The following MTUS1 variants were observed in gnomAD, a reference collection of about 807,000 sequenced individuals.
The protein encoded by MTUS1 is microtubule-associated tumor suppressor 1.
MTUS1 carries 109 observed loss-of-function variants against 120.8 expected under a neutral mutation model. The observed-to-expected ratio is 0.90, with a 90% CI of 0.77 to 1.06. The LOEUF (loss-of-function observed/expected upper bound fraction) is 1.06. Among genes scored for constraint, MTUS1 ranks in the 50% least tolerant of loss-of-function variants. MTUS1 has a pLI of 0.00. For missense variants in MTUS1, 2,210 were observed against 1,486.3 expected, an observed-to-expected ratio of 1.49 and a Z score of -8.01; for synonymous variants, 737 against 550.5, an observed-to-expected ratio of 1.34 and a Z score of -4.74.
In MTUS1 at chr8:17,712,293, T is replaced by G. The variant is rs552229300; in HGVS notation, c.2623+921A>C. Among the ~76,000 whole-genome samples the G allele has an allele frequency of 4.8e-4, 73 of 152,238 alleles. 1 individual carries two copies. The highest frequency in any genetic ancestry group is 1.6e-3 in the African/African-American group (67 of 41,566). On this transcript the variant is annotated intron_variant, in intron 6 of 14. Coordinates refer to ENST00000693296, the MANE Select transcript of MTUS1 (RefSeq NM_001363059.2). ...TCACTGTATATAAAATAAGACAATG[T>G]AGGCAGTGTACAGGAGACCTTATCT... is the stretch of plus-strand genomic sequence containing the variant.
Position 17,770,148 on chromosome 8 carries a change from ATTTTAAC to A in MTUS1, c.-154-14194_-154-14188del, listed in dbSNP as rs533268347. 1.7e-3 allele frequency among the ~76,000 whole-genome samples: 257 copies of A among 152,322 alleles called. 1 individual carries two copies. Among genetic ancestry groups the A allele is most frequent in the African/African-American group, 5.9e-3 (247 of 41,576 alleles). On this transcript the variant is annotated intron_variant, in intron 1 of 14. Coordinates refer to ENST00000693296, the MANE Select transcript of MTUS1 (RefSeq NM_001363059.2). ...CTTAATGAGAGTTTTTGTACTTGAT[ATTTTAAC>A]CCAAAGCAGAGCCCTGCATTTGATT...
chr8:17,769,779 C>T (rs1250673249), intron 1 of MTUS1, among the ~76,000 whole-genome samples: 4 of 151,958 alleles, frequency 2.6e-5, no homozygotes, highest in African/African-American at 7.3e-5. Flanking sequence ...GCTGTGAAGA[C>T]GACATGAAAG....
intron 13 of MTUS1, among the ~76,000 whole-genome samples, chr8:17,648,852 G>A (rs949369811): frequency 6.6e-6 from 1 of 152,230 alleles, no homozygotes; most frequent in Non-Finnish European, 1.5e-5. Flanking sequence ...CAGCTGGACA[G>A]TCAACAGCAA....
At chr8:17,715,955 C>A (rs1822247391) in intron 4 of MTUS1, 54 bp from the exon 5 acceptor site, 3 of 1,536,084 alleles carry the variant, frequency 2.0e-6, no homozygotes, top group Admixed American at 1.9e-5. Context: ...CAGTTTCGAC[C>A]TTCCACATTT....
At chr8:17,681,590 G>C (rs917081238) in intron 7 of MTUS1, 2 of 154,700 alleles carry the variant, frequency 1.3e-5, no homozygotes, top group African/African-American at 4.8e-5. Flanking sequence ...TATTAGGCTG[G>C]TGCAAAAGTA....
chr8:17,697,633 G>A, intron 6 of MTUS1: 1 of 1,227,524 alleles, frequency 8.1e-7, no homozygotes, highest in Non-Finnish European at 1.0e-6. Context: ...TCTCCCTCCT[G>A]CAGGTCTAGA....
chr8:17,723,909 C>G (rs2046020449), intron 3 of MTUS1, 76 bp from the exon 4 acceptor site: 2 of 1,199,878 alleles, frequency 1.7e-6, no homozygotes, highest in Admixed American at 4.7e-5. Context: ...CCTGTAAACT[C>G]AAACTTCTGC....
At chr8:17,646,520 G>A (rs564527224) in intron 14 of MTUS1, among the ~76,000 whole-genome samples, 68 of 152,272 alleles carry the variant, frequency 4.5e-4, no homozygotes, top group African/African-American at 1.6e-3. Flanking sequence ...CCTAGGAGGT[G>A]GAGGCTGCAG....
intron 3 of MTUS1, among the ~76,000 whole-genome samples, chr8:17,737,112 T>C (rs114527023): frequency 0.013 from 1,908 of 152,132 alleles, 35 homozygotes; most frequent in African/African-American, 0.043. Context: ...AAGACAGGAG[T>C]GTGTCAAGAC....
intron 12 of MTUS1, among the ~76,000 whole-genome samples, chr8:17,650,639 G>A (rs544656310): frequency 6.6e-6 from 1 of 152,282 alleles, no homozygotes; most frequent in African/African-American, 2.4e-5. Flanking sequence ...GAGCCAGGAG[G>A]TCAAGGCTGC....
At chr8:17,774,955 C>G (rs2050295045) in intron 1 of MTUS1, among the ~76,000 whole-genome samples, 1 of 119,838 alleles carries the variant, frequency 8.3e-6, no homozygotes, top group Non-Finnish European at 1.7e-5. Context: ...TGGCTGAACC[C>G]TGAAAATATT....
chr8:17,732,096 C>T (rs1489918304), intron 3 of MTUS1, among the ~76,000 whole-genome samples: 2 of 152,204 alleles, frequency 1.3e-5, no homozygotes, highest in African/African-American at 4.8e-5. Flanking sequence ...CCTTTGAATG[C>T]AGTCACAGGA....
At chr8:17,712,813 A>G (rs551557687) in intron 6 of MTUS1, among the ~76,000 whole-genome samples, 2 of 151,502 alleles carry the variant, frequency 1.3e-5, no homozygotes, top group South Asian at 4.1e-4. Flanking sequence ...AAGTCCAGTG[A>G]AAGTGTGAAA....
intron 3 of MTUS1, among the ~76,000 whole-genome samples, chr8:17,730,919 T>A (rs984620998): frequency 6.6e-6 from 1 of 152,210 alleles, no homozygotes; most frequent in African/African-American, 2.4e-5. Context: ...AATGTGAATG[T>A]ACTTAATGCC....
At chr8:17,679,156 C>T (rs1813735444) in intron 7 of MTUS1, among the ~76,000 whole-genome samples, 1 of 151,776 alleles carries the variant, frequency 6.6e-6, no homozygotes, top group African/African-American at 2.4e-5. Context: ...ATCGAAGGCT[C>T]TAAAGCCATT....
In MTUS1 at chr8:17,755,355, G is replaced by A; in HGVS notation, c.453C>T (p.Tyr151=). 1 of 1,614,150 alleles carries A rather than the reference G, an allele frequency of 6.2e-7. No homozygotes were observed. Among genetic ancestry groups the A allele is most frequent in the Non-Finnish European group, 8.5e-7 (1 of 1,180,014 alleles). ...KPNDNLNCAG[Y]CDALELNQTF... ...TTTGGTTTAGCTCCAAGGCATCACAGTAGCCTGCACAGTTCAAATTGTCAT... is the reference window on the plus strand; with the variant it reads ...TTTGGTTTAGCTCCAAGGCATCACAATAGCCTGCACAGTTCAAATTGTCAT... Residue 151 remains tyrosine (Y), a synonymous_variant, in exon 2 of 15, where the codon TAC becomes TAT. Transcript: ENST00000693296.
Position 17,645,890 on chromosome 8 carries a change from A to G in MTUS1, c.*36T>C. ...GGTCAGTCCTGCAGACCTGCATCAA[A>G]ATGCTTTCAGAGAGTCTGTGGACTT... On this transcript the variant is annotated 3_prime_UTR_variant, in exon 15 of 15. Transcript: ENST00000693296. 1 of 1,591,448 alleles carries G rather than the reference A, an allele frequency of 6.3e-7. No individual in the cohort carries two copies. Among genetic ancestry groups the G allele is most frequent in the Non-Finnish European group, 8.5e-7 (1 of 1,169,630 alleles).
At chr8:17,744,888 C>CT (rs747134775) in intron 2 of MTUS1, among the ~76,000 whole-genome samples, 1 of 152,060 alleles carries the variant, frequency 6.6e-6, no homozygotes, top group East Asian at 1.9e-4. Flanking sequence ...CACCTATGAT[C>CT]TGTAAGTCCC....
chr8:17,718,487 G>C (rs1289489587), intron 4 of MTUS1, among the ~76,000 whole-genome samples: 1 of 152,034 alleles, frequency 6.6e-6, no homozygotes, highest in Non-Finnish European at 1.5e-5. Flanking sequence ...TCGGGTATGG[G>C]AATAGACAGT....
Sources: allele counts gnomAD v4.1 joint callset (sites outside exome capture counted in the v4.1 genomes callset), GRCh38; gene constraint gnomAD v4.1.1; transcripts MANE v1.5; gene names NCBI Gene and HGNC (gene_info 2026-07-23, HGNC 2026-07-21).